Variants in MYOM2 observed in about 807,000 individuals in gnomAD.
The protein encoded by MYOM2 is myomesin 2.
Under a neutral mutation model 187.6 loss-of-function variants are expected in MYOM2, and 254 were observed. The observed-to-expected ratio is 1.35, with a 90% confidence interval of 1.22 to 1.50. The LOEUF (loss-of-function observed/expected upper bound fraction) is 1.50, where lower values mean the gene tolerates loss of function less well. Ranked by LOEUF, MYOM2 falls within the 40% of genes most tolerant of loss-of-function variation. MYOM2 has a pLI of 0.00. For synonymous variants in MYOM2, 981 were observed against 753.8 expected, an observed-to-expected ratio of 1.30 and a Z score of -4.94; for missense variants, 2,796 against 1,924.0, an observed-to-expected ratio of 1.45 and a Z score of -8.48.
intron 14 of MYOM2, among the ~76,000 whole-genome samples, chr8:2,087,923 G>A (rs994032912): frequency 2.0e-5 from 3 of 151,604 alleles, no homozygotes; most frequent in Admixed American, 6.6e-5. Context: ...TACAGGCCAG[G>A]CAAGCCACAA....
intron 25 of MYOM2, among the ~76,000 whole-genome samples, chr8:2,112,681 G>A (rs765800742): frequency 3.9e-5 from 6 of 152,120 alleles, no homozygotes; most frequent in Non-Finnish European, 7.4e-5. Context: ...GCTAATATTC[G>A]TCTTCTAAAG....
chr8:2,143,726 A>G (rs1798359242), intron 36 of MYOM2, among the ~76,000 whole-genome samples: 1 of 152,192 alleles, frequency 6.6e-6, no homozygotes, highest in African/African-American at 2.4e-5. Context: ...ACCTCAAGGC[A>G]AGTGCTGTGG....
rs1563437369 is a variant in MYOM2, at chr8:2,078,821, A to G, written c.1350A>G (p.Gly450=). ...ACCCGGTCACAGGGCTTTTTGAAGGAAGGTCTTACATATTCCGAGTGAGGG... is the reference window on the plus strand; with the variant it reads ...ACCCGGTCACAGGGCTTTTTGAAGGGAGGTCTTACATATTCCGAGTGAGGG... The part of the protein sequence containing the change: ...CKYPVTGLFE[G]RSYIFRVRAV... The change falls in exon 12 of 37, where the codon GGA becomes GGG. Residue 450 remains glycine, a synonymous_variant. Transcript: ENST00000262113. 1 of 1,614,138 alleles carries G rather than the reference A, an allele frequency of 6.2e-7. No individual in the cohort carries two copies. The highest frequency in any genetic ancestry group is 2.2e-5 in the East Asian group (1 of 44,868).
At chr8:2,124,810 C>G (rs1256815503) in intron 31 of MYOM2, among the ~76,000 whole-genome samples, 1 of 152,140 alleles carries the variant, frequency 6.6e-6, no homozygotes, top group Admixed American at 6.6e-5. Context: ...TGATATCTCA[C>G]TGCAGTTTTA....
chr8:2,072,381 A>G lies in MYOM2; in HGVS notation c.830A>G (p.Asp277Gly), dbSNP rs780604971. The part of the protein sequence containing the change: ...LSSMIPYTHF[D>G]VQFLEKFGVT... ...TCGATGATTCCGTACACGCACTTCG[A>G]CGTCCAGTTTTTGGAGAAGTTTGGG... The change falls in exon 9 of 37, where the codon GAC (aspartate) becomes GGC (glycine). Residue 277 changes from aspartate (D) to glycine (G), a missense_variant. Coordinates refer to ENST00000262113, the MANE Select transcript of MYOM2 (RefSeq NM_003970.4). 6 of 1,613,578 alleles carry G rather than the reference A, an allele frequency of 3.7e-6. No individual in the cohort carries two copies. In the South Asian group the frequency reaches 5.5e-5, roughly 15 times the overall value.
At chr8:2,083,757 G>A (rs1468410949) in intron 13 of MYOM2, among the ~76,000 whole-genome samples, 1 of 152,192 alleles carries the variant, frequency 6.6e-6, no homozygotes, top group African/African-American at 2.4e-5. Context: ...AAATCCGCAA[G>A]GCTTGTGTGA....
At chr8:2,078,131 C>T (rs1458856751) in intron 11 of MYOM2, among the ~76,000 whole-genome samples, 1 of 152,196 alleles carries the variant, frequency 6.6e-6, no homozygotes, top group African/African-American at 2.4e-5. Context: ...AGAGGTTAAT[C>T]TTTCCTATAT....
chr8:2,052,914 G>A (rs1585817557), intron 3 of MYOM2, among the ~76,000 whole-genome samples: 1 of 152,178 alleles, frequency 6.6e-6, no homozygotes. Flanking sequence ...CAGCTCGTGG[G>A]GTGAAATGTC....
In MYOM2 at chr8:2,069,350, G is replaced by A. The variant is rs757879396; in HGVS notation, c.726G>A (p.Ala242=). 8.2e-5 allele frequency: 132 copies of A among 1,613,990 alleles called. 1 individual carries two copies. The highest frequency in any genetic ancestry group is 1.7e-4 in the Middle Eastern group (1 of 5,982). Residue 242 remains alanine (A), a synonymous_variant, in exon 7 of 37, where the codon GCG becomes GCA. Coordinates refer to ENST00000262113, the MANE Select transcript of MYOM2 (RefSeq NM_003970.4). ...TNAHGQVSTN[A]AVVVRRFRGD... ...CCCACGGACAAGTGTCCACCAACGCGGCGGTGGTGGTGAGAAGTGAGTGCC... is the reference window on the plus strand; with the variant it reads ...CCCACGGACAAGTGTCCACCAACGCAGCGGTGGTGGTGAGAAGTGAGTGCC...
intron 21 of MYOM2, among the ~76,000 whole-genome samples, chr8:2,105,106 C>G (rs930687915): frequency 2.6e-5 from 4 of 152,124 alleles, no homozygotes. Context: ...CTCCACCTCC[C>G]AACACCGTTG....
intron 19 of MYOM2, among the ~76,000 whole-genome samples, chr8:2,100,135 T>G (rs1486046019): frequency 5.8e-4 from 68 of 116,606 alleles, no homozygotes; most frequent in African/African-American, 2.4e-3. Flanking sequence ...CTTCTTTCCT[T>G]CCTTCCTTCC....
chr8:2,120,157 C>T (rs550197920), intron 28 of MYOM2, among the ~76,000 whole-genome samples: 91 of 152,160 alleles, frequency 6.0e-4, no homozygotes, highest in African/African-American at 2.1e-3. Context: ...CCAGATGTGG[C>T]CAGTGACCTA....
At chr8:2,132,380 A>G (rs544196226) in intron 32 of MYOM2, among the ~76,000 whole-genome samples, 169 of 152,360 alleles carry the variant, frequency 1.1e-3, no homozygotes, top group Non-Finnish European at 1.8e-3. Context: ...CTTTAAGGGA[A>G]TGTTAGAAAC....
chr8:2,073,143 G>A (rs565412053), intron 9 of MYOM2, among the ~76,000 whole-genome samples, 196 bp from the exon 10 acceptor site: 2 of 152,312 alleles, frequency 1.3e-5, no homozygotes, highest in African/African-American at 4.8e-5. Flanking sequence ...CTGTGTTCTG[G>A]GCTGTGGGTG....
chr8:2,089,954 C>T (rs1204566891), intron 14 of MYOM2, 54 bp from the exon 15 acceptor site: 2 of 1,579,480 alleles, frequency 1.3e-6, no homozygotes, highest in African/African-American at 2.7e-5. Flanking sequence ...CTCCACACGC[C>T]TCTGGGGACC....
At chr8:2,131,194 T>C (rs1797854027) in intron 32 of MYOM2, among the ~76,000 whole-genome samples, 1 of 151,656 alleles carries the variant, frequency 6.6e-6, no homozygotes, top group Non-Finnish European at 1.5e-5. Context: ...TAGGTCATGT[T>C]AGTGTTAGCA....
At chr8:2,115,638 G>C (rs185652362) in intron 25 of MYOM2, among the ~76,000 whole-genome samples, 1 of 152,128 alleles carries the variant, frequency 6.6e-6, no homozygotes, top group Non-Finnish European at 1.5e-5. Flanking sequence ...TATCAATTGC[G>C]TATCATTTTA....
rs765264990 is a variant in MYOM2, at chr8:2,052,196, G to C, written c.146G>C (p.Ser49Thr). 6.2e-7 allele frequency: 1 copy of C among 1,613,408 alleles called. No homozygotes were observed. Among genetic ancestry groups the C allele is most frequent in the East Asian group, 2.2e-5 (1 of 44,858 alleles). Residue 49 changes from serine to threonine, a missense_variant, in exon 3 of 37, where the codon AGT (serine) becomes ACT (threonine). Transcript: ENST00000262113. The part of the protein sequence containing the change: ...STQASSQKSL[S>T]QRSSSQRASS... ...CAGGCATCTTCCCAGAAGTCCTTGAGTCAGCGGTCGTCTTCACAGAGAGCC... is the reference window on the plus strand; with the variant it reads ...CAGGCATCTTCCCAGAAGTCCTTGACTCAGCGGTCGTCTTCACAGAGAGCC...
At chr8:2,110,003 G>C (rs1005195942) in intron 25 of MYOM2, among the ~76,000 whole-genome samples, 1 of 152,200 alleles carries the variant, frequency 6.6e-6, no homozygotes, top group African/African-American at 2.4e-5. Flanking sequence ...TGGTGTGGCA[G>C]ACTGATGTGA....
Sources: allele counts gnomAD v4.1 joint callset (sites outside exome capture counted in the v4.1 genomes callset), GRCh38; gene constraint gnomAD v4.1.1; transcripts MANE v1.5; gene names NCBI Gene and HGNC (gene_info 2026-07-23, HGNC 2026-07-21).